SLC25A31: variants seen among roughly 807,000 people sequenced by gnomAD.
SLC25A31 encodes solute carrier family 25 member 31, also known as ADP/ATP translocase 4.
In SLC25A31, 40 loss-of-function variants were observed where a neutral mutation model predicts 36.2. The observed-to-expected ratio is 1.10, with a 90% CI of 0.86 to 1.44. The LOEUF (loss-of-function observed/expected upper bound fraction) is 1.44. SLC25A31 is among the 40% of genes most tolerant of loss of function. SLC25A31 has a pLI of 0.00. For missense variants in SLC25A31, 350 were observed against 397.1 expected, an observed-to-expected ratio of 0.88 and a Z score of 1.01; for synonymous variants, 143 against 149.7, an observed-to-expected ratio of 0.96 and a Z score of 0.32.
At chr4:127,745,120 C>T (rs749206933) in intron 2 of SLC25A31, among the ~76,000 whole-genome samples, 17 of 151,956 alleles carry the variant, frequency 1.1e-4, no homozygotes, top group Non-Finnish European at 2.2e-4. Flanking sequence ...TTATTTTAAG[C>T]GCAGAAAGAA....
At chr4:127,751,227 A>T (rs1443247410) in intron 2 of SLC25A31, among the ~76,000 whole-genome samples, 4 of 152,194 alleles carry the variant, frequency 2.6e-5, no homozygotes, top group African/African-American at 9.7e-5. Flanking sequence ...AAACAGAGAT[A>T]TAGACCAGTG....
At chr4:127,765,905 G>A (rs1427043545) in intron 3 of SLC25A31, among the ~76,000 whole-genome samples, 1 of 152,038 alleles carries the variant, frequency 6.6e-6, no homozygotes, top group Non-Finnish European at 1.5e-5. Flanking sequence ...CTTGCTTTAA[G>A]TTCCATAGTT....
At chr4:127,737,893 C>G (rs983621890) in intron 1 of SLC25A31, among the ~76,000 whole-genome samples, 1 of 152,018 alleles carries the variant, frequency 6.6e-6, no homozygotes, top group African/African-American at 2.4e-5. Context: ...TTTTTATATA[C>G]TCAGCAATAT....
At chr4:127,748,911 T>G (rs1731871465) in intron 2 of SLC25A31, among the ~76,000 whole-genome samples, 1 of 151,922 alleles carries the variant, frequency 6.6e-6, no homozygotes, top group South Asian at 2.1e-4. Flanking sequence ...CTAATAATGC[T>G]CCAATAACAG....
intron 1 of SLC25A31, among the ~76,000 whole-genome samples, chr4:127,733,811 T>C (rs1731574372): frequency 6.6e-6 from 1 of 152,216 alleles, no homozygotes; most frequent in Admixed American, 6.5e-5. Flanking sequence ...GAGAAAGAGA[T>C]ATGAACACAG....
intron 2 of SLC25A31, among the ~76,000 whole-genome samples, chr4:127,746,756 T>G (rs1463580807): frequency 6.6e-6 from 1 of 152,238 alleles, no homozygotes. Context: ...TCTTTTGCTG[T>G]GCAGAAGCTC....
At chr4:127,731,756 TCTC>T in intron 1 of SLC25A31, among the ~76,000 whole-genome samples, 1 of 152,120 alleles carries the variant, frequency 6.6e-6, no homozygotes, top group South Asian at 2.1e-4. Context: ...AGAGAGCTGT[TCTC>T]CTTTCTCTTT....
intron 2 of SLC25A31, among the ~76,000 whole-genome samples, chr4:127,755,245 G>T (rs920060271): frequency 6.6e-6 from 1 of 152,074 alleles, no homozygotes; most frequent in African/African-American, 2.4e-5. Context: ...GACCCTAAGA[G>T]CACAAGTAAT....
Position 127,754,549 on chromosome 4 carries a change from A to C in SLC25A31, c.361-9694A>C, listed in dbSNP as rs75953388. 8.1e-3 allele frequency among the ~76,000 whole-genome samples: 1,226 copies of C among 151,340 alleles called. 9 individuals carry two copies. Among genetic ancestry groups the C allele is most frequent in the Middle Eastern group, 0.031 (9 of 292 alleles). On this transcript the variant is annotated intron_variant, in intron 2 of 5. Coordinates refer to ENST00000281154, the MANE Select transcript of SLC25A31 (RefSeq NM_031291.4). ...TTTACAATAGCTTTAAAAAAAAAAA[A>C]ACACAAAATGCTTAGTAAATTTAAC...
intron 2 of SLC25A31, among the ~76,000 whole-genome samples, chr4:127,751,062 G>GA (rs1731922353): frequency 6.6e-6 from 1 of 152,014 alleles, no homozygotes; most frequent in South Asian, 2.1e-4. Flanking sequence ...CACAGAATTG[G>GA]AAAAAACTAC....
intron 1 of SLC25A31, among the ~76,000 whole-genome samples, chr4:127,737,691 A>C (rs1490406145): frequency 6.6e-6 from 1 of 152,132 alleles, no homozygotes; most frequent in Non-Finnish European, 1.5e-5. Flanking sequence ...AGCAGGGAGC[A>C]CAGGCACATG....
intron 5 of SLC25A31, among the ~76,000 whole-genome samples, chr4:127,771,727 A>C (rs936043140): frequency 2.0e-5 from 3 of 152,180 alleles, no homozygotes; most frequent in African/African-American, 7.2e-5. Context: ...TTTAATATTA[A>C]CTGTGGGGGT....
intron 2 of SLC25A31, among the ~76,000 whole-genome samples, chr4:127,748,339 A>T: frequency 6.6e-6 from 1 of 152,158 alleles, no homozygotes; most frequent in East Asian, 1.9e-4. Flanking sequence ...CAGGAGGCTC[A>T]TCTGTACGTG....
chr4:127,730,825 A>G (rs754992162), intron 1 of SLC25A31, 48 bp downstream of exon 1: 3 of 1,533,480 alleles, frequency 2.0e-6, no homozygotes, highest in Non-Finnish European at 1.8e-6. Flanking sequence ...CGCCCTCGTC[A>G]GCTTCCCAGA....
At chr4:127,751,331 C>G (rs1308633069) in intron 2 of SLC25A31, among the ~76,000 whole-genome samples, 1 of 152,104 alleles carries the variant, frequency 6.6e-6, no homozygotes, top group African/African-American at 2.4e-5. Context: ...GAAAGGATTC[C>G]CTATTTAATA....
At chr4:127,747,351 G>A (rs563064460) in intron 2 of SLC25A31, among the ~76,000 whole-genome samples, 1 of 152,096 alleles carries the variant, frequency 6.6e-6, no homozygotes, top group East Asian at 1.9e-4. Flanking sequence ...AATTGCTTTG[G>A]GAAATATGAC....
chr4:127,731,321 C>G (rs1731521249), intron 1 of SLC25A31, among the ~76,000 whole-genome samples: 1 of 152,008 alleles, frequency 6.6e-6, no homozygotes, highest in Non-Finnish European at 1.5e-5. Context: ...TCTGCTTATT[C>G]TACTGAAGAC....
In SLC25A31 at chr4:127,735,888, A is replaced by ATTTT. The variant is rs1250183377; in HGVS notation, c.232+5114_232+5115insTTTT. ...TTTTATTTTATTTATTTATTTATTT[A>ATTTT]TTTATTTATTTTTTTTTTTGAGACG... On this transcript the variant is annotated intron_variant, in intron 1 of 5. Transcript: ENST00000281154. Among the ~76,000 whole-genome samples the ATTTT allele has an allele frequency of 3.9e-3, 185 of 47,854 alleles. 3 individuals are homozygous for ATTTT. The highest frequency in any genetic ancestry group is 6.1e-3 in the Non-Finnish European group (146 of 24,002). 31.4% of individuals were successfully genotyped at this position (47,854 alleles called of 152,430 possible).
At chr4:127,762,269 A>T (rs1283224453) in intron 2 of SLC25A31, among the ~76,000 whole-genome samples, 3 of 152,240 alleles carry the variant, frequency 2.0e-5, no homozygotes, top group East Asian at 1.9e-4. Context: ...AAGTATTAAT[A>T]TGTACTGCAA....
Sources: gnomAD v4.1 joint callset for allele counts (sites outside exome capture counted in the v4.1 genomes callset) on GRCh38, gnomAD v4.1.1 for gene constraint, MANE v1.5 for transcripts, NCBI Gene and HGNC (gene_info 2026-07-23, HGNC 2026-07-21) for gene names.